COBL: variants seen among roughly 807,000 people sequenced by gnomAD.
COBL encodes cordon-bleu WH2 repeat protein.
COBL carries 51 observed loss-of-function variants against 98.8 expected under a neutral mutation model. The ratio of observed to expected loss-of-function variants is 0.52; its 90% CI spans 0.41 to 0.65. The LOEUF (loss-of-function observed/expected upper bound fraction) is 0.65, where lower values mean the gene tolerates loss of function less well. COBL is among the 30% of genes least tolerant of loss of function. The probability of loss-of-function intolerance (pLI) is 0.00; values close to 1 mark genes in which losing one functional copy is unlikely to be tolerated. For synonymous variants in COBL, 634 were observed against 651.7 expected, an observed-to-expected ratio of 0.97 and a Z score of 0.41; for missense variants, 1,617 against 1,617.5, an observed-to-expected ratio of 1.00 and a Z score of 0.01.
At chr7:51,080,660 T>C (rs1415457516) in intron 7 of COBL, among the ~76,000 whole-genome samples, 6 of 152,210 alleles carry the variant, frequency 3.9e-5, no homozygotes, top group Non-Finnish European at 1.5e-5. Flanking sequence ...GCGTTTGTTA[T>C]GTGAGGAACA....
intron 1 of COBL, among the ~76,000 whole-genome samples, chr7:51,286,212 G>A (rs1328061670): frequency 6.6e-6 from 1 of 150,438 alleles, no homozygotes; most frequent in Admixed American, 6.6e-5. Flanking sequence ...TAGATATGGT[G>A]CCTAAATCAT....
intron 6 of COBL, among the ~76,000 whole-genome samples, chr7:51,103,975 A>G (rs116451834): frequency 0.024 from 3,614 of 152,328 alleles, 143 homozygotes; most frequent in African/African-American, 0.082. Context: ...CTTTGTCACC[A>G]AAGTTATCTA....
At chr7:51,128,135 T>C (rs1043659153) in intron 6 of COBL, among the ~76,000 whole-genome samples, 5 of 152,216 alleles carry the variant, frequency 3.3e-5, no homozygotes, top group Admixed American at 6.5e-5. Context: ...ATTCATCCCA[T>C]ACAAAGTTGT....
intron 1 of COBL, among the ~76,000 whole-genome samples, chr7:51,284,434 C>T (rs112555521): frequency 6.6e-5 from 10 of 151,796 alleles, no homozygotes; most frequent in Non-Finnish European, 1.0e-4. Context: ...AAATCACATG[C>T]GTGTATCAAT....
intron 2 of COBL, among the ~76,000 whole-genome samples, chr7:51,210,695 G>T (rs1792328421): frequency 6.6e-6 from 1 of 152,158 alleles, no homozygotes; most frequent in African/African-American, 2.4e-5. Flanking sequence ...AACTTGGTGT[G>T]ACCCTTCCCA....
In COBL at chr7:51,029,211, G is replaced by C; in HGVS notation, c.1885C>G (p.Pro629Ala). 1 of 1,614,100 alleles carries C rather than the reference G, an allele frequency of 6.2e-7. No individual in the cohort carries two copies. Among genetic ancestry groups the C allele is most frequent in the Non-Finnish European group, 8.5e-7 (1 of 1,179,994 alleles). The part of the protein sequence containing the change: ...SKDGNLMETA[P>A]RVTSFASNLH... Reference sequence around the variant, plus strand: ...TTCGAAGCAAAAGAAGTCACCCTGGGCGCCGTTTCCATTAGATTCCCATCT... The same window carrying C: ...TTCGAAGCAAAAGAAGTCACCCTGGCCGCCGTTTCCATTAGATTCCCATCT... Residue 629 changes from proline (P) to alanine (A), a missense_variant, in exon 10 of 13, where the codon CCC (proline) becomes GCC (alanine). Transcript: ENST00000265136.
chr7:51,237,133 C>G (rs549960766), intron 1 of COBL, among the ~76,000 whole-genome samples: 90 of 152,306 alleles, frequency 5.9e-4, no homozygotes, highest in African/African-American at 2.1e-3. Context: ...AGGAAGTCCT[C>G]AATGTGCATG....
Position 51,182,039 on chromosome 7 carries a change from T to G in COBL, c.783+2063A>C, listed in dbSNP as rs181961889. 1.9e-3 allele frequency among the ~76,000 whole-genome samples: 289 copies of G among 152,262 alleles called. 1 individual carries two copies. The highest frequency in any genetic ancestry group is 6.5e-3 in the African/African-American group (269 of 41,556). On this transcript the variant is annotated intron_variant, in intron 5 of 12. Coordinates refer to ENST00000265136, the MANE Select transcript of COBL (RefSeq NM_015198.5). ...CGAAAGTCTTTCTAGATTTTTTACT[T>G]GGTTTTTCTGGCCATTTCATCTTTT...
chr7:51,214,687 C>A (rs114947358), intron 2 of COBL, among the ~76,000 whole-genome samples: 2,117 of 152,278 alleles, frequency 0.014, 51 homozygotes, highest in African/African-American at 0.048. Context: ...AGCCCAGTTA[C>A]CCTTAAAATC....
At chr7:51,024,512 G>A (rs1177965885) in intron 12 of COBL, among the ~76,000 whole-genome samples, 1 of 152,132 alleles carries the variant, frequency 6.6e-6, no homozygotes, top group Admixed American at 6.5e-5. Flanking sequence ...TTCCATTGCA[G>A]GGGCCAGGTG....
chr7:51,114,646 A>T (rs952045315), intron 6 of COBL, among the ~76,000 whole-genome samples: 5 of 152,250 alleles, frequency 3.3e-5, no homozygotes, highest in African/African-American at 1.2e-4. Flanking sequence ...CCTTTGCAAT[A>T]GGGGTCCCTT....
intron 1 of COBL, among the ~76,000 whole-genome samples, chr7:51,306,634 A>G (rs1246601395): frequency 6.6e-6 from 1 of 152,196 alleles, no homozygotes; most frequent in African/African-American, 2.4e-5. Context: ...ACACTAATTC[A>G]TAACTGCTCT....
intron 1 of COBL, among the ~76,000 whole-genome samples, chr7:51,242,955 G>A (rs1338633684): frequency 6.6e-6 from 1 of 152,302 alleles, no homozygotes. Flanking sequence ...GAAGGGCTGG[G>A]TGCTCCCTTG....
chr7:51,198,069 G>C (rs1169244656), intron 2 of COBL, among the ~76,000 whole-genome samples: 1 of 152,174 alleles, frequency 6.6e-6, no homozygotes, highest in Non-Finnish European at 1.5e-5. Flanking sequence ...ATGTTAGCTG[G>C]TTATTTTGCA....
chr7:51,170,506 GATATATATATAT>G (rs3047166), intron 5 of COBL, among the ~76,000 whole-genome samples: 1 of 132,074 alleles, frequency 7.6e-6, no homozygotes, highest in Non-Finnish European at 1.6e-5. Context: ...CTGACACTGT[GATATATATATAT>G]ATATATATAT....
chr7:51,142,066 C>G (rs1258343687), intron 5 of COBL, among the ~76,000 whole-genome samples: 5 of 152,040 alleles, frequency 3.3e-5, no homozygotes, highest in African/African-American at 1.2e-4. Context: ...GAGGAAGCGG[C>G]AAAGAAAGAA....
In COBL at chr7:51,219,724, G is replaced by C; in HGVS notation, c.245+17C>G. 6.2e-7 allele frequency: 1 copy of C among 1,610,848 alleles called. No individual in the cohort carries two copies. The highest frequency in any genetic ancestry group is 8.5e-7 in the Non-Finnish European group (1 of 1,178,142). ...CAAAGTGAGTACAGCGACTCCTCCTGCAGCACCGGCTCTCACCTCCCATTG... is the reference window on the plus strand; with the variant it reads ...CAAAGTGAGTACAGCGACTCCTCCTCCAGCACCGGCTCTCACCTCCCATTG... On this transcript the variant is annotated intron_variant, in intron 2 of 12. Coordinates refer to ENST00000265136, the MANE Select transcript of COBL (RefSeq NM_015198.5).
intron 5 of COBL, among the ~76,000 whole-genome samples, chr7:51,172,011 A>G (rs1460701151): frequency 6.6e-6 from 1 of 152,264 alleles, no homozygotes; most frequent in East Asian, 1.9e-4. Flanking sequence ...GAAACTATGA[A>G]GAAACTTTAT....
chr7:51,239,785 G>T (rs1795603574), intron 1 of COBL, among the ~76,000 whole-genome samples: 1 of 152,142 alleles, frequency 6.6e-6, no homozygotes, highest in Non-Finnish European at 1.5e-5. Context: ...AACGGTCATG[G>T]TATTTTGCCA....
Sources: gnomAD v4.1 joint callset for allele counts (sites outside exome capture counted in the v4.1 genomes callset) on GRCh38, gnomAD v4.1.1 for gene constraint, MANE v1.5 for transcripts, NCBI Gene and HGNC (gene_info 2026-07-23, HGNC 2026-07-21) for gene names.